Variants in UBE3D observed in about 807,000 individuals in gnomAD.
UBE3D encodes ubiquitin protein ligase E3D, also known as E3 ubiquitin-protein ligase E3D.
UBE3D carries 48 observed loss-of-function variants against 49.6 expected under a neutral mutation model. The ratio of observed to expected loss-of-function variants is 0.97; its 90% CI spans 0.77 to 1.23. The LOEUF (loss-of-function observed/expected upper bound fraction) is 1.23. Ranked by LOEUF, UBE3D falls within the 50% of genes most tolerant of loss-of-function variation. The pLI is 0.00. For missense variants in UBE3D, 452 were observed against 468.4 expected, an observed-to-expected ratio of 0.96 and a Z score of 0.32; for synonymous variants, 189 against 174.2, an observed-to-expected ratio of 1.08 and a Z score of -0.67.
intron 8 of UBE3D, among the ~76,000 whole-genome samples, chr6:83,005,862 A>G (rs1010612429): frequency 1.3e-5 from 2 of 152,180 alleles, no homozygotes; most frequent in Non-Finnish European, 1.5e-5. Context: ...TGAGGACATC[A>G]TGCTAAATGA....
chr6:82,938,478 G>C (rs759878400), intron 9 of UBE3D: 4 of 152,148 alleles, frequency 2.6e-5, no homozygotes, highest in Non-Finnish European at 5.9e-5. Flanking sequence ...GTAACACCAG[G>C]ATTCTACAAG....
chr6:82,952,041 A>T (rs1775837579), intron 9 of UBE3D, among the ~76,000 whole-genome samples: 1 of 152,220 alleles, frequency 6.6e-6, no homozygotes, highest in South Asian at 2.1e-4. Context: ...AATACTGTTT[A>T]CTATGTTCCT....
intron 9 of UBE3D, among the ~76,000 whole-genome samples, chr6:82,901,002 T>C (rs159053): frequency 0.062 from 9,382 of 152,214 alleles, 969 homozygotes; most frequent in African/African-American, 0.22. Flanking sequence ...TATGATTATA[T>C]GAATTATAGA....
chr6:82,958,148 ATC>A (rs1223707926), intron 8 of UBE3D, among the ~76,000 whole-genome samples: 3 of 152,134 alleles, frequency 2.0e-5, no homozygotes, highest in Non-Finnish European at 4.4e-5. Context: ...AAGTAAAGGG[ATC>A]TGTCTGAGAT....
At chr6:82,886,636 G>A in the UBE3D span, among the ~76,000 whole-genome samples, 15 of 152,204 alleles carry the variant, frequency 9.9e-5, no homozygotes, top group Admixed American at 2.6e-4. Flanking sequence ...GGAAAGATAC[G>A]TAGGAAATGT....
chr6:82,957,940 C>T (rs187993041), intron 8 of UBE3D, among the ~76,000 whole-genome samples: 1 of 152,126 alleles, frequency 6.6e-6, no homozygotes, highest in East Asian at 1.9e-4. Context: ...GTGACAGAAT[C>T]CTTTTGTTAA....
intron 1 of UBE3D, among the ~76,000 whole-genome samples, chr6:83,061,973 G>A (rs1784197793): frequency 6.6e-6 from 1 of 152,098 alleles, no homozygotes; most frequent in Non-Finnish European, 1.5e-5. Flanking sequence ...ACCAGTTACA[G>A]TTTAATACTC....
chr6:82,909,975 A>G (rs1315458210), intron 9 of UBE3D, among the ~76,000 whole-genome samples: 1 of 152,080 alleles, frequency 6.6e-6, no homozygotes, highest in East Asian at 1.9e-4. Context: ...TTTGGTCACT[A>G]CCCTCAACGT....
At chr6:82,930,307 T>C (rs1774053077) in intron 9 of UBE3D, among the ~76,000 whole-genome samples, 2 of 152,172 alleles carry the variant, frequency 1.3e-5, no homozygotes, top group African/African-American at 4.8e-5. Flanking sequence ...GTCTCAGATA[T>C]GTCTTTATTA....
At position 83,056,602 on chromosome 6, in the gene UBE3D, C is replaced by A. The variant is rs542597902; in HGVS notation, c.274+1224G>T. On this transcript the variant is annotated intron_variant, in intron 2 of 9. Coordinates refer to ENST00000369747, the MANE Select transcript of UBE3D (RefSeq NM_198920.3). Reference sequence around the variant, plus strand: ...CCTACCCTTTGTTCCTAAAACTAACCCTGCCCAACTCAAACTAGTTATTCA... The same window carrying A: ...CCTACCCTTTGTTCCTAAAACTAACACTGCCCAACTCAAACTAGTTATTCA... Among the ~76,000 whole-genome samples the A allele has an allele frequency of 1.4e-4, 21 of 152,252 alleles. No homozygotes were observed. The South Asian group carries it at 2.7e-3, about 20-fold the overall frequency.
intron 9 of UBE3D, among the ~76,000 whole-genome samples, chr6:82,913,164 G>T (rs920172050): frequency 6.6e-6 from 1 of 152,162 alleles, no homozygotes; most frequent in Non-Finnish European, 1.5e-5. Flanking sequence ...CTAAGCCTCA[G>T]TTTCCTCATG....
the UBE3D span, among the ~76,000 whole-genome samples, chr6:82,881,490 C>G: frequency 1.7e-4 from 26 of 152,272 alleles, no homozygotes; most frequent in South Asian, 4.4e-3. Flanking sequence ...ACGCCATAAC[C>G]TGGATACCAC....
At chr6:83,043,985 A>G (rs1194787741) in intron 4 of UBE3D, among the ~76,000 whole-genome samples, 1 of 152,182 alleles carries the variant, frequency 6.6e-6, no homozygotes, top group East Asian at 1.9e-4. Flanking sequence ...ACTTGATGAC[A>G]TCTCCATTTA....
chr6:82,911,247 T>C (rs73475797), intron 9 of UBE3D, among the ~76,000 whole-genome samples: 15,452 of 147,712 alleles, frequency 0.1, 1,553 homozygotes, highest in African/African-American at 0.27. Context: ...TGAATAGATT[T>C]TGTGACAGTC....
At chr6:83,000,312 T>C (rs1392850180) in intron 8 of UBE3D, among the ~76,000 whole-genome samples, 3 of 152,200 alleles carry the variant, frequency 2.0e-5, no homozygotes, top group African/African-American at 7.2e-5. Context: ...ACTCAACATG[T>C]ATAAAAGTGA....
intron 9 of UBE3D, among the ~76,000 whole-genome samples, chr6:82,936,671 C>T (rs1474037538): frequency 2.0e-5 from 3 of 152,128 alleles, no homozygotes; most frequent in African/African-American, 4.8e-5. Context: ...TTTCTGAAAG[C>T]CAACTGTTGA....
Position 82,935,295 on chromosome 6 carries a change from C to T in UBE3D, c.1149+22017G>A, listed in dbSNP as rs145452546. 3.2e-4 allele frequency among the ~76,000 whole-genome samples: 49 copies of T among 152,112 alleles called. No individual in the cohort carries two copies. The Middle Eastern group carries it at 0.02, about 63-fold the overall frequency. On this transcript the variant is annotated intron_variant, in intron 9 of 9. Transcript: ENST00000369747. Reference sequence around the variant, plus strand: ...ATCTTGTGTGAACTCAGAGCGAGTGCTCACTTATCACCAAGGAGCTAGCCC... The same window carrying T: ...ATCTTGTGTGAACTCAGAGCGAGTGTTCACTTATCACCAAGGAGCTAGCCC...
At chr6:82,915,082 C>A (rs1421511573) in intron 9 of UBE3D, among the ~76,000 whole-genome samples, 1 of 151,978 alleles carries the variant, frequency 6.6e-6, no homozygotes, top group Non-Finnish European at 1.5e-5. Context: ...GAGTTGAGGG[C>A]ATATTTTTAG....
chr6:82,932,127 C>A (rs541452334), intron 9 of UBE3D, among the ~76,000 whole-genome samples: 14 of 152,136 alleles, frequency 9.2e-5, no homozygotes, highest in African/African-American at 3.4e-4. Context: ...TTTCCTGAGG[C>A]CTCCTAAGTC....
Sources: allele counts gnomAD v4.1 joint callset (sites outside exome capture counted in the v4.1 genomes callset), GRCh38; gene constraint gnomAD v4.1.1; transcripts MANE v1.5; gene names NCBI Gene and HGNC (gene_info 2026-07-23, HGNC 2026-07-21).